Variants in HECW2 observed in about 807,000 individuals in gnomAD.
HECW2 encodes E3 ubiquitin-protein ligase HECW2.
Under a neutral mutation model 175.2 loss-of-function variants are expected in HECW2, and 61 were observed. That is an observed-to-expected ratio of 0.35 (90% confidence interval 0.28 to 0.43). The LOEUF (loss-of-function observed/expected upper bound fraction) is 0.43. Among genes scored for constraint, HECW2 ranks in the 20% least tolerant of loss-of-function variants. The pLI, the probability that HECW2 is intolerant of heterozygous loss-of-function variation, is 1.00. For synonymous variants in HECW2, 671 were observed against 731.0 expected (o/e 0.92, Z 1.32); for missense variants, 1,524 against 2,000.5 (o/e 0.76, Z 4.54).
At chr2:196,314,668 T>G (rs529218554) in intron 10 of HECW2, among the ~76,000 whole-genome samples, 1 of 152,198 alleles carries the variant, frequency 6.6e-6, no homozygotes, top group African/African-American at 2.4e-5. Flanking sequence ...ACAAAATTAT[T>G]GAAAGAACAA....
At chr2:196,469,825 C>A (rs1697122790) in intron 1 of HECW2, among the ~76,000 whole-genome samples, 1 of 151,692 alleles carries the variant, frequency 6.6e-6, no homozygotes, top group South Asian at 2.1e-4. Flanking sequence ...AAGGCTGTTA[C>A]CTCTGGGGCG....
At chr2:196,292,789 T>A (rs375850741) in intron 13 of HECW2, 39 bp from the exon 14 acceptor site, 6 of 1,534,992 alleles carry the variant, frequency 3.9e-6, no homozygotes, top group Non-Finnish European at 5.4e-6. Context: ...AACCCACTTG[T>A]GACATGCAGA....
intron 16 of HECW2, among the ~76,000 whole-genome samples, chr2:196,272,655 T>C (rs1388269680): frequency 6.6e-6 from 1 of 152,170 alleles, no homozygotes; most frequent in African/African-American, 2.4e-5. Flanking sequence ...TTATGTATAT[T>C]TATATATACA....
chr2:196,329,658 G>T lies in HECW2; in HGVS notation c.496-8C>A, dbSNP rs1274938032. The T allele has an allele frequency of 4.3e-6, 7 of 1,612,160 alleles. No individual in the cohort carries two copies. The highest frequency in any genetic ancestry group is 5.9e-6 in the Non-Finnish European group (7 of 1,178,654). The stretch of plus-strand genomic sequence containing the variant: ...CATGCCTTCTGCCCCCATCTGAAAA[G>T]AAAAAACATGCATCTGAAGTTTCAG... On this transcript the variant is annotated splice_region_variant and splice_polypyrimidine_tract_variant and intron_variant, in intron 4 of 28. Coordinates refer to ENST00000644978, the MANE Select transcript of HECW2 (RefSeq NM_001348768.2).
intron 2 of HECW2, among the ~76,000 whole-genome samples, chr2:196,401,768 A>G (rs1009687629): frequency 6.6e-6 from 1 of 152,190 alleles, no homozygotes; most frequent in African/African-American, 2.4e-5. Flanking sequence ...TAGAGAAAAA[A>G]TTTTTACTAA....
intron 1 of HECW2, among the ~76,000 whole-genome samples, chr2:196,522,914 T>G (rs1259953056): frequency 6.6e-6 from 1 of 152,244 alleles, no homozygotes; most frequent in Non-Finnish European, 1.5e-5. Context: ...GGTAGTGTGA[T>G]GCCTCCAGCT....
chr2:196,220,962 GA>G, intron 24 of HECW2, 21 bp from the exon 25 acceptor site: 2 of 1,612,354 alleles, frequency 1.2e-6, no homozygotes, highest in Non-Finnish European at 1.7e-6. Context: ...AAAATAAAAA[GA>G]ATGACTACAA....
At chr2:196,452,807 A>C (rs1472160506) in intron 1 of HECW2, among the ~76,000 whole-genome samples, 1 of 151,924 alleles carries the variant, frequency 6.6e-6, no homozygotes, top group African/African-American at 2.4e-5. Flanking sequence ...AAAAAAAAAA[A>C]AAAACATGGG....
intron 19 of HECW2, among the ~76,000 whole-genome samples, chr2:196,252,478 G>C (rs112947209): frequency 6.6e-6 from 1 of 151,926 alleles, no homozygotes; most frequent in Non-Finnish European, 1.5e-5. Flanking sequence ...GAATGGTTTC[G>C]CACCACTCCC....
chr2:196,518,174 G>A (rs1029827998), intron 1 of HECW2, among the ~76,000 whole-genome samples: 12 of 152,082 alleles, frequency 7.9e-5, no homozygotes, highest in Admixed American at 7.9e-4. Context: ...GCTTTGTGAT[G>A]ATGTTACAGG....
intron 1 of HECW2, among the ~76,000 whole-genome samples, chr2:196,585,383 C>G (rs1160394093): frequency 6.6e-6 from 1 of 152,104 alleles, no homozygotes; most frequent in Non-Finnish European, 1.5e-5. Context: ...CAATGGATGA[C>G]TTATTAAACA....
intron 1 of HECW2, among the ~76,000 whole-genome samples, chr2:196,450,099 T>G (rs527667855): frequency 6.6e-6 from 1 of 152,334 alleles, no homozygotes; most frequent in African/African-American, 2.4e-5. Context: ...TAACCCAGTA[T>G]GCCTAAGGCA....
chr2:196,209,930 A>G (rs1013266675), intron 28 of HECW2, among the ~76,000 whole-genome samples: 1 of 151,848 alleles, frequency 6.6e-6, no homozygotes, highest in African/African-American at 2.4e-5. Context: ...CGCCCGGCCA[A>G]CTTTTTGTAT....
At chr2:196,304,930 T>C (rs1691203396) in intron 13 of HECW2, among the ~76,000 whole-genome samples, 1 of 152,172 alleles carries the variant, frequency 6.6e-6, no homozygotes, top group African/African-American at 2.4e-5. Flanking sequence ...CACGAATCGA[T>C]TGTTTTGCAA....
At chr2:196,420,521 G>A (rs1374531307) in intron 2 of HECW2, among the ~76,000 whole-genome samples, 5 of 152,160 alleles carry the variant, frequency 3.3e-5, no homozygotes, top group Non-Finnish European at 7.3e-5. Context: ...AGAAAATGAA[G>A]AGAAGATTTT....
intron 2 of HECW2, among the ~76,000 whole-genome samples, chr2:196,427,751 G>C (rs1575530527): frequency 6.6e-6 from 1 of 152,100 alleles, no homozygotes; most frequent in East Asian, 1.9e-4. Context: ...GGAGGTTTGG[G>C]CCTATAGCTC....
At chr2:196,278,430 G>T in intron 15 of HECW2, 98 bp downstream of exon 15, 187 of 1,078,094 alleles carry the variant, frequency 1.7e-4, no homozygotes, top group Non-Finnish European at 2.1e-4. Context: ...AAAAAAAAAA[G>T]AAAAAATGCT....
chr2:196,305,159 G>C (rs1392072963), intron 13 of HECW2, among the ~76,000 whole-genome samples: 1 of 152,104 alleles, frequency 6.6e-6, no homozygotes, highest in African/African-American at 2.4e-5. Flanking sequence ...CTCAAGTCTG[G>C]GATGCCAGGG....
At chr2:196,468,564 G>A (rs1325440126) in intron 1 of HECW2, among the ~76,000 whole-genome samples, 1 of 152,192 alleles carries the variant, frequency 6.6e-6, no homozygotes, top group Non-Finnish European at 1.5e-5. Context: ...TGGAGCCTGA[G>A]AATCTGCATT....
Sources: allele counts gnomAD v4.1 joint callset (sites outside exome capture counted in the v4.1 genomes callset), GRCh38; gene constraint gnomAD v4.1.1; transcripts MANE v1.5; gene names NCBI Gene and HGNC (gene_info 2026-07-23, HGNC 2026-07-21).